The following HS3ST5 variants were observed in gnomAD, a reference collection of about 807,000 sequenced individuals.
HS3ST5 encodes heparan sulfate glucosamine 3-O-sulfotransferase 5.
In HS3ST5, 10 loss-of-function variants were observed where a neutral mutation model predicts 25.4. The ratio of observed to expected loss-of-function variants is 0.39; its 90% CI spans 0.24 to 0.67. The LOEUF (loss-of-function observed/expected upper bound fraction) is 0.67. Among genes scored for constraint, HS3ST5 ranks in the 30% least tolerant of loss-of-function variants. HS3ST5 has a pLI of 0.44. For synonymous variants in HS3ST5, 170 were observed against 162.4 expected (o/e 1.05, Z -0.36); for missense variants, 324 against 420.7 (o/e 0.77, Z 2.01).
chr6:114,238,197 T>C (rs1036000634), intron 1 of HS3ST5, among the ~76,000 whole-genome samples: 4 of 152,238 alleles, frequency 2.6e-5, no homozygotes, highest in Admixed American at 6.5e-5. Flanking sequence ...CATGAGTAAA[T>C]GTAGACCTAT....
intron 3 of HS3ST5, among the ~76,000 whole-genome samples, chr6:114,119,038 T>C (rs1378899527): frequency 3.3e-5 from 5 of 152,212 alleles, no homozygotes; most frequent in African/African-American, 1.2e-4. Flanking sequence ...GGGTTGTTTG[T>C]AATCAAAGCA....
At chr6:114,114,911 C>A (rs780375924) in intron 3 of HS3ST5, among the ~76,000 whole-genome samples, 42 of 152,098 alleles carry the variant, frequency 2.8e-4, no homozygotes, top group Admixed American at 9.8e-4. Context: ...TTCATTAATT[C>A]ACTCAGCAAA....
rs2114689090 is a variant in HS3ST5 at position 114,057,149 on chromosome 6, A to G, written c.*108T>C. ...ACACACTGCGTATGTACAAATATAC[A>G]TGGAAAAATGACTTGGATAGCTCTG... On this transcript the variant is annotated 3_prime_UTR_variant, in exon 5 of 5. Transcript: ENST00000312719. 1 of 781,962 alleles carries G rather than the reference A, an allele frequency of 1.3e-6. No homozygotes were observed. Among genetic ancestry groups the G allele is most frequent in the Non-Finnish European group, 2.1e-6 (1 of 474,356 alleles). 48.4% of individuals were successfully genotyped at this position (781,962 alleles called of 1,614,324 possible).
chr6:114,159,460 G>A (rs1778839831), intron 3 of HS3ST5, among the ~76,000 whole-genome samples: 1 of 152,164 alleles, frequency 6.6e-6, no homozygotes, highest in South Asian at 2.1e-4. Context: ...AAAACATTAT[G>A]CCAAGTTATG....
chr6:114,125,813 G>T (rs563545490), intron 3 of HS3ST5, among the ~76,000 whole-genome samples: 1 of 152,132 alleles, frequency 6.6e-6, no homozygotes, highest in Admixed American at 6.5e-5. Context: ...TTGTCAACAC[G>T]TGATAGCCCA....
chr6:114,190,059 G>A (rs1489337909), intron 2 of HS3ST5, among the ~76,000 whole-genome samples: 1 of 152,180 alleles, frequency 6.6e-6, no homozygotes, highest in Non-Finnish European at 1.5e-5. Flanking sequence ...TCAACATTCT[G>A]TAGCTAAACT....
chr6:114,269,824 T>C lies in HS3ST5; in HGVS notation c.-338-41046A>G, dbSNP rs574082534. 1.6e-4 allele frequency among the ~76,000 whole-genome samples: 24 copies of C among 152,286 alleles called. No individual in the cohort carries two copies. In the East Asian group the frequency reaches 2.5e-3, roughly 16 times the overall value. On this transcript the variant is annotated intron_variant, in intron 1 of 4. Transcript: ENST00000312719. ...CATATAGTCCAATCCCCTCAGTTTA[T>C]AGATGACAAAACCAAGACCCTCAGG...
intron 3 of HS3ST5, among the ~76,000 whole-genome samples, chr6:114,122,502 A>G (rs1368626961): frequency 6.6e-6 from 1 of 152,152 alleles, no homozygotes; most frequent in East Asian, 1.9e-4. Context: ...TGGAATTCTA[A>G]ATTTTCAACA....
At chr6:114,328,891 T>C (rs1182444040) in intron 1 of HS3ST5, among the ~76,000 whole-genome samples, 1 of 152,222 alleles carries the variant, frequency 6.6e-6, no homozygotes, top group African/African-American at 2.4e-5. Context: ...AATGAGTACC[T>C]TTATTGTGAT....
intron 1 of HS3ST5, among the ~76,000 whole-genome samples, chr6:114,283,169 A>ATT (rs1774196383): frequency 6.6e-6 from 1 of 151,984 alleles, no homozygotes; most frequent in African/African-American, 2.4e-5. Context: ...TGCTGTTTAA[A>ATT]TACCAAAGTC....
At chr6:114,317,248 A>AT (rs1775778827) in intron 1 of HS3ST5, among the ~76,000 whole-genome samples, 1 of 152,176 alleles carries the variant, frequency 6.6e-6, no homozygotes, top group African/African-American at 2.4e-5. Context: ...AGTTTAGGTA[A>AT]AATATATAGG....
intron 2 of HS3ST5, among the ~76,000 whole-genome samples, chr6:114,188,171 A>G (rs1478249930): frequency 2.0e-5 from 3 of 152,166 alleles, no homozygotes; most frequent in Admixed American, 1.3e-4. Context: ...AACACAGCAT[A>G]GCAGATGCCA....
chr6:114,165,886 A>C (rs1241256585), intron 3 of HS3ST5, among the ~76,000 whole-genome samples: 7 of 152,126 alleles, frequency 4.6e-5, no homozygotes, highest in Admixed American at 4.6e-4. Context: ...GATGTATGTA[A>C]AGTTAAAAAC....
chr6:114,238,214 C>T (rs898894986), intron 1 of HS3ST5, among the ~76,000 whole-genome samples: 3 of 152,122 alleles, frequency 2.0e-5, no homozygotes, highest in Non-Finnish European at 2.9e-5. Context: ...CTATGTCTAT[C>T]GAATTATTGG....
At chr6:114,096,515 G>T (rs988370004) in intron 3 of HS3ST5, among the ~76,000 whole-genome samples, 1 of 152,102 alleles carries the variant, frequency 6.6e-6, no homozygotes, top group Non-Finnish European at 1.5e-5. Context: ...GAGAAAAAAT[G>T]AAGAGAGATG....
chr6:114,146,999 T>C (rs1778201108), intron 3 of HS3ST5, among the ~76,000 whole-genome samples: 1 of 152,208 alleles, frequency 6.6e-6, no homozygotes, highest in African/African-American at 2.4e-5. Flanking sequence ...CTTTCATCAC[T>C]GGTATGGATC....
intron 2 of HS3ST5, chr6:114,178,888 G>A (rs538065199): frequency 1.3e-5 from 2 of 152,016 alleles, no homozygotes; most frequent in East Asian, 3.9e-4. Flanking sequence ...AAAAAAAGAA[G>A]GGTGACAAGT....
chr6:114,285,679 G>A (rs1774306914), intron 1 of HS3ST5, among the ~76,000 whole-genome samples: 1 of 151,898 alleles, frequency 6.6e-6, no homozygotes, highest in Non-Finnish European at 1.5e-5. Context: ...GGGTGGGGAG[G>A]GCGGTGGGAG....
intron 3 of HS3ST5, among the ~76,000 whole-genome samples, chr6:114,095,167 A>T (rs1775355053): frequency 1.3e-5 from 2 of 152,216 alleles, no homozygotes; most frequent in Non-Finnish European, 2.9e-5. Flanking sequence ...GTAACACAGC[A>T]TAGAAAGCAA....
Sources: gnomAD v4.1 joint callset for allele counts (sites outside exome capture counted in the v4.1 genomes callset) on GRCh38, gnomAD v4.1.1 for gene constraint, MANE v1.5 for transcripts, NCBI Gene and HGNC (gene_info 2026-07-23, HGNC 2026-07-21) for gene names.